The following SCAF11 variants were observed in gnomAD, a reference collection of about 807,000 sequenced individuals.
SCAF11 encodes the protein protein SCAF11.
In SCAF11, 47 loss-of-function variants were observed where a neutral mutation model predicts 140.5. That is an observed-to-expected ratio of 0.33 (90% confidence interval 0.26 to 0.43). The LOEUF (loss-of-function observed/expected upper bound fraction) is 0.43. SCAF11 is among the 20% of genes least tolerant of loss of function. SCAF11 has a pLI of 1.00. For synonymous variants in SCAF11, 557 were observed against 579.4 expected (o/e 0.96, Z 0.55); for missense variants, 1,645 against 1,705.1 (o/e 0.96, Z 0.62).
At chr12:45,966,908 T>C (rs2136626832) in intron 1 of SCAF11, among the ~76,000 whole-genome samples, 1 of 152,282 alleles carries the variant, frequency 6.6e-6, no homozygotes, top group East Asian at 1.9e-4. Flanking sequence ...AAGGTTGGAG[T>C]TAACTCAATG....
chr12:45,963,074 C>T (rs897535440), intron 2 of SCAF11, among the ~76,000 whole-genome samples: 10 of 152,058 alleles, frequency 6.6e-5, no homozygotes, highest in Admixed American at 5.2e-4. Context: ...CTGAGGAAAC[C>T]AGCTAGACTC....
intron 4 of SCAF11, among the ~76,000 whole-genome samples, chr12:45,948,747 C>T (rs985782636): frequency 1.3e-5 from 2 of 152,054 alleles, no homozygotes; most frequent in Non-Finnish European, 1.5e-5. Flanking sequence ...GACAGCTAAG[C>T]ATAAACAGAT....
intron 1 of SCAF11, among the ~76,000 whole-genome samples, chr12:45,977,910 C>G (rs1330275853): frequency 6.6e-6 from 1 of 152,146 alleles, no homozygotes; most frequent in Non-Finnish European, 1.5e-5. Flanking sequence ...AATTCTAAGG[C>G]AGAGTTGCAG....
chr12:45,984,017 G>C (rs957200721), intron 1 of SCAF11, among the ~76,000 whole-genome samples: 1 of 152,102 alleles, frequency 6.6e-6, no homozygotes, highest in Non-Finnish European at 1.5e-5. Flanking sequence ...TTACAAAAAG[G>C]AATAAGTATA....
chr12:45,923,838 C>T (rs1054284930), intron 12 of SCAF11, among the ~76,000 whole-genome samples: 24 of 151,506 alleles, frequency 1.6e-4, no homozygotes, highest in Middle Eastern at 3.4e-3. Context: ...TGCATCACCG[C>T]GCCTGGCTAA....
chr12:45,963,591 A>G (rs1945873768), intron 2 of SCAF11, among the ~76,000 whole-genome samples: 1 of 152,164 alleles, frequency 6.6e-6, no homozygotes, highest in Non-Finnish European at 1.5e-5. Context: ...TCTCAGATTT[A>G]TTTTCAGAAA....
chr12:45,931,982 T>C (rs1565664548), intron 9 of SCAF11, among the ~76,000 whole-genome samples: 1 of 152,106 alleles, frequency 6.6e-6, no homozygotes, highest in Non-Finnish European at 1.5e-5. Context: ...TGAGGTGTAA[T>C]TCAACATAAA....
chr12:45,926,403 G>A lies in SCAF11; in HGVS notation c.3298C>T (p.Arg1100Ter). 6.2e-7 allele frequency: 1 copy of A among 1,614,102 alleles called. No individual in the cohort carries two copies. ...KDQNENRWQN[R>*]KPLSGNSNSS... ...TTTGAATTCCCTGAGAGGGGTTTTC[G>A]ATTTTGCCACCGATTTTCATTCTGA... is the stretch of plus-strand genomic sequence containing the variant. The change falls in exon 11 of 15, where the codon CGA becomes TGA. Residue 1100 changes from arginine to a stop codon, truncating the protein, a stop_gained. Coordinates refer to ENST00000369367, the MANE Select transcript of SCAF11 (RefSeq NM_004719.3). LOFTEE classifies it high-confidence loss of function.
chr12:45,985,336 C>T (rs1398770456), intron 1 of SCAF11, among the ~76,000 whole-genome samples: 1 of 152,166 alleles, frequency 6.6e-6, no homozygotes, highest in Non-Finnish European at 1.5e-5. Context: ...CTGTTCCCTA[C>T]CTTCTTTGCA....
chr12:45,946,375 C>CA (rs1237660908), intron 5 of SCAF11, among the ~76,000 whole-genome samples: 2 of 151,974 alleles, frequency 1.3e-5, no homozygotes, highest in South Asian at 2.1e-4. Flanking sequence ...TCCAAGACTC[C>CA]AAAAAAGAGT....
chr12:45,963,726 C>A (rs1294581679), intron 2 of SCAF11, among the ~76,000 whole-genome samples: 1 of 152,104 alleles, frequency 6.6e-6, no homozygotes, highest in Non-Finnish European at 1.5e-5. Flanking sequence ...TTAGGATGAT[C>A]AGAGTTAAAG....
intron 10 of SCAF11, chr12:45,929,348 G>A (rs1944986972): frequency 6.6e-6 from 1 of 152,386 alleles, no homozygotes; most frequent in Admixed American, 6.6e-5. Flanking sequence ...AATAGAGACA[G>A]GGTTTTGCCA....
intron 1 of SCAF11, among the ~76,000 whole-genome samples, chr12:45,972,978 A>G (rs1946141085): frequency 7.2e-6 from 1 of 138,642 alleles, no homozygotes; most frequent in Non-Finnish European, 1.5e-5. Context: ...ATAGATATAT[A>G]GATATATAGA....
chr12:45,960,906 TAC>T (rs1453445991), intron 3 of SCAF11: 1 of 156,362 alleles, frequency 6.4e-6, no homozygotes, highest in Non-Finnish European at 1.4e-5. Context: ...TACTAATTTT[TAC>T]AGACTGACAA....
At chr12:45,984,717 T>C (rs1183542386) in intron 1 of SCAF11, among the ~76,000 whole-genome samples, 23 of 142,738 alleles carry the variant, frequency 1.6e-4, no homozygotes, top group Admixed American at 1.4e-3. Flanking sequence ...TTTTTTGAGG[T>C]GGAGTCTCAC....
chr12:45,990,580 T>A (rs766796425), upstream of SCAF11: 46 of 1,229,290 alleles, frequency 3.7e-5, no homozygotes, highest in Non-Finnish European at 4.0e-5. Context: ...TACTCCCCCT[T>A]CCCCCGCCTT....
chr12:45,987,611 T>TTA, intron 1 of SCAF11, among the ~76,000 whole-genome samples: 1 of 152,312 alleles, frequency 6.6e-6, no homozygotes, highest in South Asian at 2.1e-4. Flanking sequence ...AGGCTGTTGT[T>TTA]TTATACACAG....
At chr12:45,933,050 G>C (rs1178805741) in intron 9 of SCAF11, 81 bp downstream of exon 9, 4 of 888,856 alleles carry the variant, frequency 4.5e-6, no homozygotes, top group Non-Finnish European at 6.9e-6. Context: ...AATTGAATAA[G>C]GTACCCTTGT....
chr12:45,960,370 C>A (rs1390581617), intron 3 of SCAF11: 1 of 152,052 alleles, frequency 6.6e-6, no homozygotes, highest in African/African-American at 2.4e-5. Context: ...GTATTGAAAC[C>A]TTCCACCCAT....
Sources: allele counts gnomAD v4.1 joint callset (sites outside exome capture counted in the v4.1 genomes callset), GRCh38; gene constraint gnomAD v4.1.1; transcripts MANE v1.5; gene names NCBI Gene and HGNC (gene_info 2026-07-23, HGNC 2026-07-21).